The following FAM13B variants were observed in gnomAD, a reference collection of about 807,000 sequenced individuals.
The protein encoded by FAM13B is family with sequence similarity 13 member B, also known as protein FAM13B.
FAM13B carries 60 observed loss-of-function variants against 117.3 expected under a neutral mutation model. The observed-to-expected ratio is 0.51, with a 90% CI of 0.42 to 0.63. The LOEUF (loss-of-function observed/expected upper bound fraction) is 0.63. Ranked by LOEUF, FAM13B falls within the 30% of genes least tolerant of loss-of-function variation. The pLI is 0.00. For synonymous variants in FAM13B, 332 were observed against 356.1 expected, an observed-to-expected ratio of 0.93 and a Z score of 0.76; for missense variants, 972 against 1,091.9, an observed-to-expected ratio of 0.89 and a Z score of 1.55.
chr5:137,952,691 C>T lies in FAM13B; in HGVS notation c.1867G>A (p.Ala623Thr), dbSNP rs1191237717. Reference sequence around the variant, plus strand: ...CATTTTAATACCTTTGGATTGGCAGCAATATCACTGTAGGAGGGCTGAAAA... The same window carrying T: ...CATTTTAATACCTTTGGATTGGCAGTAATATCACTGTAGGAGGGCTGAAAA... ...RNSKPSYSDI[A>T]ANPKVLKWMT... Residue 623 changes from alanine (A) to threonine (T), a missense_variant, in exon 17 of 24, where the codon GCT becomes ACT. By Grantham distance (58) the Ala-to-Thr change is moderately conservative. Coordinates refer to ENST00000689681, the MANE Select transcript of FAM13B (RefSeq NM_001385994.1). 1.2e-6 allele frequency: 2 copies of T among 1,605,128 alleles called. No homozygotes were observed. The highest frequency in any genetic ancestry group is 3.4e-5 in the Admixed American group (2 of 59,290).
intron 4 of FAM13B, among the ~76,000 whole-genome samples, chr5:138,015,549 A>T (rs1196172442): frequency 6.6e-6 from 1 of 152,196 alleles, no homozygotes; most frequent in African/African-American, 2.4e-5. Context: ...CTAAAAATAC[A>T]AAAAGTAGCT....
chr5:137,967,343 G>C (rs1770334213), intron 10 of FAM13B, among the ~76,000 whole-genome samples: 1 of 152,094 alleles, frequency 6.6e-6, no homozygotes, highest in Non-Finnish European at 1.5e-5. Flanking sequence ...GGCCAAGATG[G>C]TGAAACCCGG....
chr5:138,041,063 C>G lies in FAM13B; in HGVS notation c.-203+10815G>C, dbSNP rs78795207. Among the ~76,000 whole-genome samples the G allele has an allele frequency of 4.3e-5, 3 of 70,458 alleles. No individual in the cohort carries two copies. In the East Asian group the frequency reaches 9.6e-4, roughly 23 times the overall value. 46.2% of individuals were successfully genotyped at this position (70,458 alleles called of 152,430 possible). A position where few individuals can be genotyped will look rare whatever the true frequency, so the allele number is the denominator to read the frequency against. ...TAGGCAACAGAGCAAGACTCCATCTCAAAAAAAAAAAAAAAAAAGAAAAGA... is the reference window on the plus strand; with the variant it reads ...TAGGCAACAGAGCAAGACTCCATCTGAAAAAAAAAAAAAAAAAAGAAAAGA... On this transcript the variant is annotated intron_variant, in intron 1 of 3. Transcript: ENST00000502471.
At chr5:138,048,798 A>G (rs560639277) in intron 1 of FAM13B, among the ~76,000 whole-genome samples, 2 of 152,312 alleles carry the variant, frequency 1.3e-5, no homozygotes, top group East Asian at 3.9e-4. Flanking sequence ...TATTCACAAT[A>G]TTTTTAAAAG....
intron 7 of FAM13B, among the ~76,000 whole-genome samples, chr5:137,998,493 G>A (rs573948400): frequency 2.6e-5 from 4 of 152,138 alleles, no homozygotes; most frequent in Admixed American, 1.3e-4. Context: ...CTTTTATTAC[G>A]GAATACCATT....
At position 137,959,654 on chromosome 5, in the gene FAM13B, A is replaced by T; in HGVS notation, c.1403T>A (p.Leu468Ter). 6.2e-7 allele frequency: 1 copy of T among 1,614,000 alleles called. No individual in the cohort carries two copies. The highest frequency in any genetic ancestry group is 8.5e-7 in the Non-Finnish European group (1 of 1,179,874). ...GEAACVSIPH[L>*]DLKNVSDGDK... Reference sequence around the variant, plus strand: ...ACCATCAGAAACATTCTTCAGATCTAAATGTGGAATACTGACACACGCTGC... The same window carrying T: ...ACCATCAGAAACATTCTTCAGATCTTAATGTGGAATACTGACACACGCTGC... The change falls in exon 13 of 24, where the codon TTA (leucine) becomes TAA (stop). Residue 468 changes from leucine to a stop codon, truncating the protein, a stop_gained. Coordinates refer to ENST00000689681, the MANE Select transcript of FAM13B (RefSeq NM_001385994.1). LOFTEE classifies it high-confidence loss of function.
intron 10 of FAM13B, among the ~76,000 whole-genome samples, chr5:137,965,628 C>G (rs1769475734): frequency 6.6e-6 from 1 of 152,174 alleles, no homozygotes; most frequent in South Asian, 2.1e-4. Context: ...TGAACAAACA[C>G]TCAATAAATT....
intron 1 of FAM13B, among the ~76,000 whole-genome samples, chr5:138,050,771 A>G (rs1457024969): frequency 6.6e-6 from 1 of 152,050 alleles, no homozygotes; most frequent in African/African-American, 2.4e-5. Context: ...TCTTAAATAT[A>G]AGCTCTTCCC....
intron 7 of FAM13B, among the ~76,000 whole-genome samples, chr5:137,996,278 G>A (rs1779839116): frequency 6.6e-6 from 1 of 152,074 alleles, no homozygotes; most frequent in Non-Finnish European, 1.5e-5. Flanking sequence ...TGGGACTACA[G>A]GCGCCGGCCA....
At chr5:137,971,713 A>G (rs1461077090) in intron 10 of FAM13B, among the ~76,000 whole-genome samples, 1 of 149,686 alleles carries the variant, frequency 6.7e-6, no homozygotes, top group Non-Finnish European at 1.5e-5. Context: ...ATAGACCGCT[A>G]GCAAGACTAA....
At chr5:138,034,508 A>G (rs1790878496), upstream of FAM13B, among the ~76,000 whole-genome samples, 2 of 152,244 alleles carry the variant, frequency 1.3e-5, no homozygotes. Context: ...TCCAAGGCAT[A>G]TAACTAGGAC....
intron 10 of FAM13B, among the ~76,000 whole-genome samples, chr5:137,981,438 T>G (rs2150525329): frequency 6.7e-6 from 1 of 148,908 alleles, no homozygotes. Context: ...GAGTGAGACC[T>G]TGTCTCTAAA....
At chr5:137,943,664 GA>G (rs1317134076) in intron 20 of FAM13B, among the ~76,000 whole-genome samples, 1 of 152,074 alleles carries the variant, frequency 6.6e-6, no homozygotes, top group Non-Finnish European at 1.5e-5. Flanking sequence ...GGAATTGCTT[GA>G]ACCCCAGGAG....
chr5:137,985,328 C>T lies in FAM13B; in HGVS notation c.1108G>A (p.Val370Met). Residue 370 changes from valine (V) to methionine (M), a missense_variant, in exon 10 of 24, where the codon GTG becomes ATG. Transcript: ENST00000689681. ...TCATTGTCTAAATTAGTGCTAGCCA[C>T]AGGTTTTGAACAGTCTCTGTTACTT... is the stretch of plus-strand genomic sequence containing the variant. ...SESNRDCSKP[V>M]ASTNLDNEAM... The T allele has an allele frequency of 6.2e-7, 1 of 1,613,800 alleles. No individual in the cohort carries two copies. Among genetic ancestry groups the T allele is most frequent in the Non-Finnish European group, 8.5e-7 (1 of 1,179,818 alleles).
At chr5:138,004,295 C>G (rs1781997727) in intron 7 of FAM13B, among the ~76,000 whole-genome samples, 1 of 15,890 alleles carries the variant, frequency 6.3e-5, no homozygotes, top group African/African-American at 1.7e-4. Flanking sequence ...CTGACAACCA[C>G]TAAATCTCCA....
intron 7 of FAM13B, among the ~76,000 whole-genome samples, chr5:137,991,815 T>C (rs997068076): frequency 3.9e-5 from 6 of 152,052 alleles, no homozygotes; most frequent in African/African-American, 1.2e-4. Context: ...GGTAAAATAA[T>C]AAAGCTGTAA....
chr5:138,015,377 C>G (rs1173486458), intron 4 of FAM13B, among the ~76,000 whole-genome samples: 2 of 152,228 alleles, frequency 1.3e-5, no homozygotes, highest in African/African-American at 4.8e-5. Context: ...AATTAACTGT[C>G]ATGTATTTGT....
rs1481643226 is a variant in FAM13B at position 138,024,494 on chromosome 5, C to CT, written c.-202-3298dup. On this transcript the variant is annotated intron_variant, in intron 1 of 23. Transcript: ENST00000689681. Reference sequence around the variant, plus strand: ...CTCAACTGTGAGAAAAAACTTCCTACTATTTTAGAGCCACCTAGTTTGTAG... The same window carrying CT: ...CTCAACTGTGAGAAAAAACTTCCTACTTATTTTAGAGCCACCTAGTTTGTAG... 2.0e-5 allele frequency among the ~76,000 whole-genome samples: 3 copies of CT among 151,386 alleles called. No individual in the cohort carries two copies. The East Asian group carries it at 5.8e-4, about 29-fold the overall frequency.
At chr5:138,032,595 T>C (rs1036132653) in intron 1 of FAM13B, among the ~76,000 whole-genome samples, 187 bp downstream of exon 1, 1 of 152,150 alleles carries the variant, frequency 6.6e-6, no homozygotes, top group African/African-American at 2.4e-5. Context: ...CATCTTCCTC[T>C]TTCTCCAGCG....
Sources: allele counts gnomAD v4.1 joint callset (sites outside exome capture counted in the v4.1 genomes callset), GRCh38; gene constraint gnomAD v4.1.1; transcripts MANE v1.5; gene names NCBI Gene and HGNC (gene_info 2026-07-23, HGNC 2026-07-21).